TSPAN16: variants seen among roughly 807,000 people sequenced by gnomAD.
The protein encoded by TSPAN16 is tetraspanin-16.
In TSPAN16, 23 loss-of-function variants were observed where a neutral mutation model predicts 25.2. That is an observed-to-expected ratio of 0.91 (90% CI 0.66 to 1.29). The LOEUF (loss-of-function observed/expected upper bound fraction) is 1.29. TSPAN16 is among the 50% of genes most tolerant of loss of function. TSPAN16 has a pLI of 0.00. For missense variants in TSPAN16, 272 were observed against 299.9 expected, an observed-to-expected ratio of 0.91 and a Z score of 0.69; for synonymous variants, 123 against 124.4, an observed-to-expected ratio of 0.99 and a Z score of 0.08.
intron 4 of TSPAN16, among the ~76,000 whole-genome samples, chr19:11,302,485 T>C (rs2080562874): frequency 1.6e-5 from 2 of 124,060 alleles, no homozygotes; most frequent in African/African-American, 3.3e-5. Context: ...GCCAGGATCA[T>C]GCCACTGCAT....
intron 5 of TSPAN16, among the ~76,000 whole-genome samples, chr19:11,310,670 G>A (rs2080681195): frequency 6.6e-6 from 1 of 152,094 alleles, no homozygotes; most frequent in Admixed American, 6.6e-5. Context: ...CAAATTATGG[G>A]GTTATAGTGA....
chr19:11,316,035 G>A (rs547824124), downstream of TSPAN16: 11 of 975,678 alleles, frequency 1.1e-5, no homozygotes, highest in African/African-American at 1.9e-4. Context: ...ATGCCTGAAT[G>A]AGAGACTATG....
At chr19:11,305,872 G>A (rs2080620583) in intron 4 of TSPAN16, among the ~76,000 whole-genome samples, 1 of 152,206 alleles carries the variant, frequency 6.6e-6, no homozygotes, top group African/African-American at 2.4e-5. Context: ...TGAATGAAGA[G>A]ATGGGCAATC....
At chr19:11,305,067 A>G (rs2080611122) in intron 4 of TSPAN16, among the ~76,000 whole-genome samples, 1 of 152,100 alleles carries the variant, frequency 6.6e-6, no homozygotes, top group African/African-American at 2.4e-5. Context: ...TATAGGCATG[A>G]GTCACTGCAA....
At chr19:11,298,501 C>CT (rs2080505600) in intron 2 of TSPAN16, among the ~76,000 whole-genome samples, 162 bp downstream of exon 2, 1 of 151,448 alleles carries the variant, frequency 6.6e-6, no homozygotes, top group South Asian at 2.1e-4. Flanking sequence ...GTGGCACAAT[C>CT]TTGGTTCACT....
downstream of TSPAN16, among the ~76,000 whole-genome samples, chr19:11,316,834 G>C (rs991902837): frequency 7.2e-6 from 1 of 138,898 alleles, no homozygotes; most frequent in Non-Finnish European, 1.5e-5. Context: ...TTTTAAGATG[G>C]AGTCTTGTTC....
intron 1 of TSPAN16, among the ~76,000 whole-genome samples, chr19:11,297,148 C>T (rs1289494495): frequency 6.6e-6 from 1 of 152,100 alleles, no homozygotes; most frequent in African/African-American, 2.4e-5. Context: ...TATCACTCCT[C>T]CTCTTCACTT....
chr19:11,307,280 CGG>C (rs2080639914), intron 5 of TSPAN16, among the ~76,000 whole-genome samples: 1 of 142,248 alleles, frequency 7.0e-6, no homozygotes, highest in African/African-American at 2.6e-5. Context: ...CCACCACGCC[CGG>C]CTGATTTTTG....
chr19:11,320,888 T>TG (rs775817251), downstream of TSPAN16, among the ~76,000 whole-genome samples: 7 of 151,918 alleles, frequency 4.6e-5, no homozygotes, highest in African/African-American at 1.7e-4. Flanking sequence ...GAAAGAGGTT[T>TG]GCCCGTGTAC....
At chr19:11,314,962 G>A (rs1191610046) in intron 6 of TSPAN16, among the ~76,000 whole-genome samples, 1 of 152,106 alleles carries the variant, frequency 6.6e-6, no homozygotes, top group Non-Finnish European at 1.5e-5. Context: ...TGGGCCAGGC[G>A]CGGTAGTTCA....
At position 11,298,214 on chromosome 19, in the gene TSPAN16, G is replaced by A. The variant is rs143844750; in HGVS notation, c.142G>A (p.Gly48Arg). The change falls in exon 2 of 7, where the codon GGG becomes AGG. Residue 48 changes from glycine to arginine, a missense_variant. Physicochemically the swap from Gly to Arg is moderately radical, Grantham distance 125. Coordinates refer to ENST00000590327, the MANE Select transcript of TSPAN16 (RefSeq NM_001282509.2). ...AGGGGCCTCTCTGACGAATGTCCTCGGGCTGTCCTCCGCATACCTCCTTCA... is the reference window on the plus strand; with the variant it reads ...AGGGGCCTCTCTGACGAATGTCCTCAGGCTGTCCTCCGCATACCTCCTTCA... ...CGGASLTNVL[G>R]LSSAYLLHVG... 1.1e-5 allele frequency: 18 copies of A among 1,614,098 alleles called. No individual in the cohort carries two copies. The highest frequency in any genetic ancestry group is 2.2e-5 in the East Asian group (1 of 44,878).
At chr19:11,296,630 T>G (rs1459059400) in intron 1 of TSPAN16, among the ~76,000 whole-genome samples, 1 of 152,218 alleles carries the variant, frequency 6.6e-6, no homozygotes, top group Non-Finnish European at 1.5e-5. Context: ...CTAAGTCAAA[T>G]CCTGTAGCCG....
intron 3 of TSPAN16, 61 bp downstream of exon 3, chr19:11,299,007 C>T: frequency 1.3e-6 from 2 of 1,544,590 alleles, no homozygotes; most frequent in South Asian, 2.2e-5. Context: ...AGGACGGGCA[C>T]AGTGGCTCAC....
At chr19:11,297,332 G>A (rs1251509681) in intron 1 of TSPAN16, among the ~76,000 whole-genome samples, 1 of 152,008 alleles carries the variant, frequency 6.6e-6, no homozygotes, top group Non-Finnish European at 1.5e-5. Context: ...ATTGGAACAT[G>A]GCCGTGCTCA....
chr19:11,315,349 A>T (rs2080737099), intron 6 of TSPAN16, among the ~76,000 whole-genome samples: 1 of 150,422 alleles, frequency 6.6e-6, no homozygotes, highest in Non-Finnish European at 1.5e-5. Flanking sequence ...CGAGGTCAGG[A>T]GATCGAGACG....
chr19:11,300,625 TAGA>T (rs934720162), intron 3 of TSPAN16, among the ~76,000 whole-genome samples: 4 of 152,024 alleles, frequency 2.6e-5, no homozygotes, highest in African/African-American at 7.2e-5. Flanking sequence ...TTGACACACA[TAGA>T]AGAACATCTC....
chr19:11,318,721 A>G (rs941023231), downstream of TSPAN16, among the ~76,000 whole-genome samples: 5 of 151,766 alleles, frequency 3.3e-5, no homozygotes, highest in Non-Finnish European at 7.4e-5. Flanking sequence ...ATCTCAGCTC[A>G]CTGCAACCTC....
chr19:11,298,559 C>G (rs1024667778), intron 2 of TSPAN16, among the ~76,000 whole-genome samples: 1 of 151,930 alleles, frequency 6.6e-6, no homozygotes, highest in African/African-American at 2.4e-5. Flanking sequence ...CTCAGCCTCC[C>G]GAGTAGCTGG....
chr19:11,316,955 C>T (rs539335979), downstream of TSPAN16, among the ~76,000 whole-genome samples: 256 of 151,558 alleles, frequency 1.7e-3, no homozygotes, highest in Middle Eastern at 6.8e-3. Context: ...GGATTACAGG[C>T]GCCTGCCACC....
Sources: allele counts gnomAD v4.1 joint callset (sites outside exome capture counted in the v4.1 genomes callset), GRCh38; gene constraint gnomAD v4.1.1; transcripts MANE v1.5; gene names NCBI Gene and HGNC (gene_info 2026-07-23, HGNC 2026-07-21).